The following ZBTB46 variants were observed in gnomAD, a reference collection of about 807,000 sequenced individuals.
ZBTB46 encodes zinc finger and BTB domain-containing protein 46.
Under a neutral mutation model 44.1 loss-of-function variants are expected in ZBTB46, and 8 were observed. The observed-to-expected ratio is 0.18, with a 90% CI of 0.11 to 0.33. ZBTB46 has a LOEUF of 0.33. ZBTB46 is among the 10% of genes least tolerant of loss of function. The pLI, the probability that ZBTB46 is intolerant of heterozygous loss-of-function variation, is 1.00. For missense variants in ZBTB46, 651 were observed against 847.7 expected (o/e 0.77, Z 2.88); for synonymous variants, 409 against 382.3 (o/e 1.07, Z -0.81).
chr20:63,821,133 C>G (rs1456634506), intron 1 of ZBTB46, among the ~76,000 whole-genome samples: 1 of 151,702 alleles, frequency 6.6e-6, no homozygotes, highest in Non-Finnish European at 1.5e-5. Flanking sequence ...CCTCATGATC[C>G]GCCCGCCTCA....
intron 1 of ZBTB46, among the ~76,000 whole-genome samples, chr20:63,802,849 CGAACCTCAGGCCCCCAGCACCCTCCCAG>C (rs1191903718): frequency 1.3e-5 from 2 of 151,884 alleles, no homozygotes; most frequent in African/African-American, 4.8e-5. Flanking sequence ...GGCCGACGAC[CGAACCTCAGGCCCCCAGCACCCTCCCAG>C]GAACCGCGGC....
At chr20:63,813,944 A>T (rs1454383305) in intron 1 of ZBTB46, among the ~76,000 whole-genome samples, 1 of 152,196 alleles carries the variant, frequency 6.6e-6, no homozygotes, top group Non-Finnish European at 1.5e-5. Flanking sequence ...GAGAAAAAAC[A>T]GTGGGAAGGG....
At chr20:63,806,885 C>G (rs959169773) in intron 1 of ZBTB46, among the ~76,000 whole-genome samples, 1 of 152,068 alleles carries the variant, frequency 6.6e-6, no homozygotes, top group Non-Finnish European at 1.5e-5. Context: ...CAGGTTCACG[C>G]CATTCTCCTG....
chr20:63,748,182 G>A (rs2092123300), intron 4 of ZBTB46, among the ~76,000 whole-genome samples: 1 of 152,250 alleles, frequency 6.6e-6, no homozygotes. Context: ...AGAGAGATGA[G>A]CACTTATGGT....
chr20:63,823,673 G>T (rs1192944667), intron 1 of ZBTB46, among the ~76,000 whole-genome samples: 1 of 152,028 alleles, frequency 6.6e-6, no homozygotes, highest in Non-Finnish European at 1.5e-5. Context: ...ACTCCAGCCT[G>T]GGCAACAGAA....
intron 2 of ZBTB46, among the ~76,000 whole-genome samples, chr20:63,785,224 C>CAAAAAAAAAAAAA (rs368838708): frequency 1.0e-5 from 1 of 96,898 alleles, no homozygotes; most frequent in Non-Finnish European, 1.9e-5. Context: ...GAGCGAGACT[C>CAAAAAAAAAAAAA]AAAAAAAAAA....
rs1474087562 is a variant in ZBTB46 at position 63,767,110 on chromosome 20, AC to A, written c.1222+8567del. 6.6e-6 allele frequency among the ~76,000 whole-genome samples: 1 copy of A among 152,214 alleles called. No individual in the cohort carries two copies. Among genetic ancestry groups the A allele is most frequent in the Non-Finnish European group, 1.5e-5 (1 of 68,016 alleles). On this transcript the variant is annotated intron_variant, in intron 3 of 4. Coordinates refer to ENST00000245663, the MANE Select transcript of ZBTB46 (RefSeq NM_001369741.1). This position sits in a 1 kb window ranked among gnomAD's most constrained non-coding sequence, Gnocchi z 5.0. The stretch of plus-strand genomic sequence containing the variant: ...CGGGGCGCTCTTTCTGAAAAGCAGC[AC>A]ATTCCCGTAATTCCACGCCGACACG...
intron 3 of ZBTB46, among the ~76,000 whole-genome samples, chr20:63,773,161 C>T (rs2092391240): frequency 6.6e-6 from 1 of 152,066 alleles, no homozygotes; most frequent in East Asian, 1.9e-4. Flanking sequence ...GAGCCACACC[C>T]AGGGAGGGCT....
chr20:63,751,096 A>G (rs1419894014), intron 4 of ZBTB46, among the ~76,000 whole-genome samples: 1 of 152,180 alleles, frequency 6.6e-6, no homozygotes, highest in Non-Finnish European at 1.5e-5. Flanking sequence ...TTCTCTGAAT[A>G]GGAAACATGT....
At chr20:63,790,912 CG>C in intron 1 of ZBTB46, 122 bp from the exon 2 acceptor site, 4 of 1,359,170 alleles carry the variant, frequency 2.9e-6, no homozygotes, top group Non-Finnish European at 3.9e-6. Flanking sequence ...ACGACCCACG[CG>C]AGAGCCCATC....
rs986818799 is a variant in ZBTB46, at chr20:63,803,489, T to C, written c.-33-12699A>G. ...AAGTGGGTGCTGGCGATGAGGACTTTAGGTTTTCCACATGGCAGCCCCCAT... is the reference window on the plus strand; with the variant it reads ...AAGTGGGTGCTGGCGATGAGGACTTCAGGTTTTCCACATGGCAGCCCCCAT... On this transcript the variant is annotated intron_variant, in intron 1 of 4. Transcript: ENST00000245663. This position sits in a 1 kb window ranked among gnomAD's most constrained non-coding sequence, Gnocchi z 4.0. 5.1e-6 allele frequency: 5 copies of C among 985,204 alleles called. No individual in the cohort carries two copies. Among genetic ancestry groups the C allele is most frequent in the Non-Finnish European group, 6.0e-6 (5 of 829,920 alleles). The allele number at this position is 985,204 out of a possible 1,614,324, so 61.0% of individuals were successfully genotyped here. A position where few individuals can be genotyped will look rare whatever the true frequency, so the allele number is the denominator to read the frequency against.
intron 2 of ZBTB46, among the ~76,000 whole-genome samples, chr20:63,786,653 A>G (rs555148714): frequency 7.2e-5 from 11 of 152,164 alleles, no homozygotes; most frequent in African/African-American, 2.6e-4. Flanking sequence ...CTGGGACTAC[A>G]GGCGCGCACC....
chr20:63,833,483 C>T (rs1324059961), upstream of ZBTB46, among the ~76,000 whole-genome samples: 3 of 152,058 alleles, frequency 2.0e-5, no homozygotes, highest in East Asian at 1.9e-4. Flanking sequence ...CCCAGCTACT[C>T]GGGAGGCTGA....
At chr20:63,818,370 T>G (rs1429290383) in intron 1 of ZBTB46, among the ~76,000 whole-genome samples, 2 of 151,922 alleles carry the variant, frequency 1.3e-5, no homozygotes, top group Non-Finnish European at 2.9e-5. Context: ...CGTAAGGAGG[T>G]CCAACCCTGG....
chr20:63,759,287 C>A (rs2092253290), intron 3 of ZBTB46, among the ~76,000 whole-genome samples: 1 of 149,078 alleles, frequency 6.7e-6, no homozygotes, highest in South Asian at 2.1e-4. Flanking sequence ...ATTTAATTAT[C>A]CTGTTAAAAA....
At chr20:63,755,094 G>A (rs1032172048) in intron 3 of ZBTB46, among the ~76,000 whole-genome samples, 4 of 152,208 alleles carry the variant, frequency 2.6e-5, no homozygotes, top group South Asian at 2.1e-4. Flanking sequence ...AGGACTCAGC[G>A]TTAATAACCC....
At chr20:63,762,448 T>C (rs1601411439) in intron 3 of ZBTB46, among the ~76,000 whole-genome samples, 1 of 151,970 alleles carries the variant, frequency 6.6e-6, no homozygotes, top group East Asian at 1.9e-4. Context: ...GGTCAGGAGA[T>C]CGAGACCATC....
intron 1 of ZBTB46, among the ~76,000 whole-genome samples, chr20:63,791,951 G>A (rs1181876657): frequency 6.6e-6 from 1 of 152,210 alleles, no homozygotes; most frequent in Non-Finnish European, 1.5e-5. Context: ...GAATCAGGAT[G>A]TCGGCCGAGC....
Position 63,753,036 on chromosome 20 carries a change from T to G in ZBTB46, c.1223-175A>C, listed in dbSNP as rs953615159. Among the ~76,000 whole-genome samples the G allele has an allele frequency of 1.3e-4, 20 of 152,070 alleles. 1 individual carries two copies. Among genetic ancestry groups the G allele is most frequent in the Non-Finnish European group, 2.6e-4 (18 of 68,000 alleles). ...CAGGCTCCCCCACCATCTGCATAAA[T>G]TGTCCCACCCACTGTCTGGCAGGGG... On this transcript the variant is annotated intron_variant, in intron 3 of 4. Transcript: ENST00000245663.
Sources: allele counts gnomAD v4.1 joint callset (sites outside exome capture counted in the v4.1 genomes callset), GRCh38; gene constraint gnomAD v4.1.1; non-coding constraint Gnocchi (gnomAD v3.1); transcripts MANE v1.5; gene names NCBI Gene and HGNC (gene_info 2026-07-23, HGNC 2026-07-21).